TUBGCP4: variants seen among roughly 807,000 people sequenced by gnomAD.
TUBGCP4 encodes gamma-tubulin complex component 4.
A neutral mutation model predicts 91.6 loss-of-function variants in TUBGCP4; 54 were observed. The ratio of observed to expected loss-of-function variants is 0.59; its 90% CI spans 0.47 to 0.74. The LOEUF (loss-of-function observed/expected upper bound fraction) is 0.74. TUBGCP4 is among the 30% of genes least tolerant of loss of function. TUBGCP4 has a pLI of 0.00. For missense variants in TUBGCP4, 593 were observed against 800.9 expected (o/e 0.74, Z 3.13); for synonymous variants, 297 against 302.8 (o/e 0.98, Z 0.20).
chr15:43,382,368 C>CT (rs1337959097), intron 6 of TUBGCP4, among the ~76,000 whole-genome samples: 5 of 152,100 alleles, frequency 3.3e-5, no homozygotes, highest in African/African-American at 4.8e-5. Context: ...CATAGCTGTT[C>CT]TTTTTTTGCA....
intron 17 of TUBGCP4, chr15:43,404,804 T>C: frequency 2.0e-6 from 1 of 507,152 alleles, no homozygotes; most frequent in Non-Finnish European, 3.5e-6. Flanking sequence ...TATGTATTGC[T>C]ATGCTGGGAG....
At chr15:43,392,075 T>TACACACACACACACACACACACACAC (rs3986231) in intron 9 of TUBGCP4, among the ~76,000 whole-genome samples, 1 of 133,108 alleles carries the variant, frequency 7.5e-6, no homozygotes, top group African/African-American at 2.8e-5. Context: ...AAAATAGAGA[T>TACACACACACACACACACACACACAC]ACACACACAC....
At position 43,407,798 on chromosome 15, in the gene TUBGCP4, C is replaced by G; in HGVS notation, c.*2584C>G. On this transcript the variant is annotated 3_prime_UTR_variant, in exon 18 of 18. Coordinates refer to ENST00000564079, the MANE Select transcript of TUBGCP4 (RefSeq NM_014444.5). ...GTCCAGTGCTTCACTTATGTTGACT[C>G]ACCTCTTGAAGGTGGTACTTTTCTT... 2 of 879,422 alleles carry G rather than the reference C, an allele frequency of 2.3e-6. No homozygotes were observed. The highest frequency in any genetic ancestry group is 2.4e-5 in the East Asian group (1 of 40,968). 54.5% of individuals were successfully genotyped at this position (879,422 alleles called of 1,614,324 possible).
At chr15:43,371,489 A>G (rs922381451) in intron 1 of TUBGCP4, 57 bp downstream of exon 1, 1 of 1,565,722 alleles carries the variant, frequency 6.4e-7, no homozygotes, top group Non-Finnish European at 8.8e-7. Context: ...GACCTGAGCC[A>G]GCGCCTGGGG....
chr15:43,388,555 A>C (rs754488067), intron 9 of TUBGCP4, among the ~76,000 whole-genome samples: 1 of 152,198 alleles, frequency 6.6e-6, no homozygotes, highest in Non-Finnish European at 1.5e-5. Context: ...AGTTCCTTTC[A>C]TTTTTGAAAA....
In TUBGCP4 at chr15:43,377,857, T is replaced by A. The variant is rs917483568; in HGVS notation, c.395T>A (p.Leu132His). The A allele has an allele frequency of 6.2e-7, 1 of 1,604,732 alleles. No homozygotes were observed. The highest frequency in any genetic ancestry group is 8.5e-7 in the Non-Finnish European group (1 of 1,177,122). ...VNYFLDQFQL[L>H]FPSVMVVVEQ... is the part of the protein sequence containing the mutation. ...TTCTCTACTTTGCAGTTCCAGCTTC[T>A]TTTTCCCTCTGTGATGGTTGTAGTA... is the stretch of plus-strand genomic sequence containing the variant. The change falls in exon 5 of 18, where the codon CTT becomes CAT. Residue 132 changes from leucine (L) to histidine (H), a missense_variant. Transcript: ENST00000564079.
chr15:43,396,759 G>GTA (rs1428240063), intron 11 of TUBGCP4, among the ~76,000 whole-genome samples: 1 of 152,076 alleles, frequency 6.6e-6, no homozygotes, highest in African/African-American at 2.4e-5. Context: ...GCTCTGTATG[G>GTA]TAGCAAGATA....
rs1321871782 is a variant in TUBGCP4 at position 43,406,024 on chromosome 15, G to A, written c.*810G>A. On this transcript the variant is annotated 3_prime_UTR_variant, in exon 18 of 18. Transcript: ENST00000564079. Reference sequence around the variant, plus strand: ...CATTGCATTCCAGCCCGGGCAACAAGAGCGAAATTCCGTCTCAAAAAAAAA... The same window carrying A: ...CATTGCATTCCAGCCCGGGCAACAAAAGCGAAATTCCGTCTCAAAAAAAAA... 2.9e-5 allele frequency: 3 copies of A among 103,966 alleles called. No individual in the cohort carries two copies. The highest frequency in any genetic ancestry group is 5.7e-4 in the East Asian group (2 of 3,524). 6.4% of individuals were successfully genotyped at this position (103,966 alleles called of 1,614,324 possible).
rs776544530 is a variant in TUBGCP4, at chr15:43,408,862, G to C, written c.*3648G>C. ...TCCCTCCAAAGCTTGCTGTCCTCCT[G>C]CCTATACAATTCTGGATGGGCTTCA... On this transcript the variant is annotated 3_prime_UTR_variant, in exon 18 of 18. Transcript: ENST00000564079. The C allele has an allele frequency of 2.8e-5, 45 of 1,603,190 alleles. No homozygotes were observed. The highest frequency in any genetic ancestry group is 3.8e-5 in the Non-Finnish European group (44 of 1,170,366).
intron 9 of TUBGCP4, among the ~76,000 whole-genome samples, chr15:43,390,737 G>A (rs1281288339): frequency 6.6e-6 from 1 of 151,920 alleles, no homozygotes; most frequent in Non-Finnish European, 1.5e-5. Flanking sequence ...TCGAACTCCT[G>A]ACCTCAAGTG....
intron 15 of TUBGCP4, chr15:43,402,602 T>C (rs896911146): frequency 6.6e-6 from 1 of 152,256 alleles, no homozygotes; most frequent in Admixed American, 6.5e-5. Flanking sequence ...TAAGTACATA[T>C]ATGTCTCCTT....
chr15:43,400,436 T>A (rs552852105), intron 14 of TUBGCP4, among the ~76,000 whole-genome samples: 17 of 152,284 alleles, frequency 1.1e-4, no homozygotes, highest in African/African-American at 4.1e-4. Flanking sequence ...CTTTCTCTGT[T>A]TCCCAGGCTG....
In TUBGCP4 at chr15:43,407,564, G is replaced by A. The variant is rs1225165815; in HGVS notation, c.*2350G>A. On this transcript the variant is annotated 3_prime_UTR_variant, in exon 18 of 18. Transcript: ENST00000564079. The stretch of plus-strand genomic sequence containing the variant: ...CACCACCACATCAAATACCCCTAAA[G>A]CAATATCTGCAAGGAGCAAGGGAAA... The A allele has an allele frequency of 2.5e-6, 4 of 1,611,022 alleles. No individual in the cohort carries two copies. Among genetic ancestry groups the A allele is most frequent in the Non-Finnish European group, 2.5e-6 (3 of 1,177,964 alleles).
chr15:43,397,998 A>G, intron 12 of TUBGCP4, 43 bp from the exon 13 acceptor site: 1 of 1,581,258 alleles, frequency 6.3e-7, no homozygotes, highest in Non-Finnish European at 8.6e-7. Context: ...TAGATTAACC[A>G]AGTTGTTATC....
At position 43,409,658 on chromosome 15, in the gene TUBGCP4, T is replaced by C; in HGVS notation, c.*4444T>C. 1.3e-6 allele frequency: 2 copies of C among 1,548,118 alleles called. No homozygotes were observed. The highest frequency in any genetic ancestry group is 1.2e-5 in the South Asian group (1 of 80,138). On this transcript the variant is annotated 3_prime_UTR_variant, in exon 18 of 18. Coordinates refer to ENST00000564079, the MANE Select transcript of TUBGCP4 (RefSeq NM_014444.5). ...AAGAAACTCCTCACCTGGGCTTCATTGAAATCTTCAAGGATATAGCCAGCT... is the reference window on the plus strand; with the variant it reads ...AAGAAACTCCTCACCTGGGCTTCATCGAAATCTTCAAGGATATAGCCAGCT...
chr15:43,393,849 C>T (rs563762103), intron 9 of TUBGCP4, among the ~76,000 whole-genome samples: 22 of 152,218 alleles, frequency 1.4e-4, no homozygotes, highest in African/African-American at 4.3e-4. Context: ...AATGTGGTTT[C>T]GATCTCTTGA....
rs201419832 is a variant in TUBGCP4 at position 43,406,697 on chromosome 15, C to CAAT, written c.*1500_*1502dup. 2.5e-4 allele frequency: 109 copies of CAAT among 433,010 alleles called. No homozygotes were observed. Among genetic ancestry groups the CAAT allele is most frequent in the African/African-American group, 8.4e-4 (41 of 48,588 alleles). 26.8% of individuals were successfully genotyped at this position (433,010 alleles called of 1,614,324 possible). On this transcript the variant is annotated 3_prime_UTR_variant, in exon 18 of 18. Transcript: ENST00000564079. ...AAGGAACTGCTTCCAGCTATTGTGACAATAATAATAATAATAATATTGGGT... is the reference window on the plus strand; with the variant it reads ...AAGGAACTGCTTCCAGCTATTGTGACAATAATAATAATAATAATAATATTGGGT...
intron 15 of TUBGCP4, chr15:43,403,462 A>G (rs2044743168): frequency 6.3e-6 from 3 of 478,192 alleles, no homozygotes; most frequent in East Asian, 3.7e-5. Context: ...GTGCAGGGCT[A>G]AGAGAGTAAT....
Position 43,409,719 on chromosome 15 carries a change from G to A in TUBGCP4, c.*4505G>A. 6.5e-7 allele frequency: 1 copy of A among 1,550,014 alleles called. No individual in the cohort carries two copies. The highest frequency in any genetic ancestry group is 1.7e-4 in the Middle Eastern group (1 of 5,756). On this transcript the variant is annotated 3_prime_UTR_variant, in exon 18 of 18. Coordinates refer to ENST00000564079, the MANE Select transcript of TUBGCP4 (RefSeq NM_014444.5). Reference sequence around the variant, plus strand: ...GCTGGGATTCTGTATACTGCTTGTTGAAAGGAGGAATTTCCAAAAATTCTA... The same window carrying A: ...GCTGGGATTCTGTATACTGCTTGTTAAAAGGAGGAATTTCCAAAAATTCTA...
Sources: allele counts gnomAD v4.1 joint callset (sites outside exome capture counted in the v4.1 genomes callset), GRCh38; gene constraint gnomAD v4.1.1; transcripts MANE v1.5; gene names NCBI Gene and HGNC (gene_info 2026-07-23, HGNC 2026-07-21).